Variants in NXPH2 observed in about 807,000 individuals in gnomAD.
The protein encoded by NXPH2 is neurexophilin-2.
A neutral mutation model predicts 19.8 loss-of-function variants in NXPH2; 5 were observed. The ratio of observed to expected loss-of-function variants is 0.25; its 90% CI spans 0.13 to 0.53. NXPH2 has a LOEUF of 0.53. Among genes scored for constraint, NXPH2 ranks in the 20% least tolerant of loss-of-function variants. The probability of loss-of-function intolerance (pLI) is 0.96; values close to 1 mark genes in which losing one functional copy is unlikely to be tolerated. For missense variants in NXPH2, 289 were observed against 322.8 expected (o/e 0.90, Z 0.80); for synonymous variants, 154 against 127.4 (o/e 1.21, Z -1.41).
chr2:138,697,265 T>G (rs927606860), intron 1 of NXPH2, among the ~76,000 whole-genome samples: 26 of 152,264 alleles, frequency 1.7e-4, no homozygotes, highest in African/African-American at 6.0e-4. Context: ...TACATGTGTA[T>G]ACCTTTGTCA....
At chr2:138,678,798 C>T (rs1680525976) in intron 1 of NXPH2, among the ~76,000 whole-genome samples, 1 of 152,058 alleles carries the variant, frequency 6.6e-6, no homozygotes, top group Non-Finnish European at 1.5e-5. Context: ...ATCAAATATC[C>T]CTTCTCAGTT....
chr2:138,709,337 C>T (rs1289133128), intron 1 of NXPH2, among the ~76,000 whole-genome samples: 1 of 152,154 alleles, frequency 6.6e-6, no homozygotes, highest in Non-Finnish European at 1.5e-5. Context: ...ATAGAGATAA[C>T]AAAATTTGTC....
chr2:138,780,323 G>C lies in NXPH2; in HGVS notation c.-82C>G. The C allele has an allele frequency of 1.9e-6, 2 of 1,072,982 alleles. No homozygotes were observed. Among genetic ancestry groups the C allele is most frequent in the Admixed American group, 4.6e-5 (1 of 21,946 alleles). 66.5% of individuals were successfully genotyped at this position (1,072,982 alleles called of 1,614,324 possible). On this transcript the variant is annotated 5_prime_UTR_variant, in exon 1 of 2. Transcript: ENST00000272641. ...TCTCCACTTCGCGGGGCAGGACTGA[G>C]GACGCCAGGGACACAGCGCGGCGCT...
intron 1 of NXPH2, among the ~76,000 whole-genome samples, chr2:138,678,218 A>G (rs1239361885): frequency 6.6e-6 from 1 of 152,182 alleles, no homozygotes; most frequent in African/African-American, 2.4e-5. Flanking sequence ...GCTTTATTCT[A>G]TATTTTTCTC....
chr2:138,695,660 C>T (rs921507511), intron 1 of NXPH2, among the ~76,000 whole-genome samples: 1 of 151,818 alleles, frequency 6.6e-6, no homozygotes, highest in Non-Finnish European at 1.5e-5. Context: ...CAAAAATAAA[C>T]TGATAAACTA....
At chr2:138,721,560 T>G (rs1681279731) in intron 1 of NXPH2, among the ~76,000 whole-genome samples, 1 of 152,030 alleles carries the variant, frequency 6.6e-6, no homozygotes, top group African/African-American at 2.4e-5. Context: ...AATTTGGAGG[T>G]AGGGCTGTGT....
intron 1 of NXPH2, among the ~76,000 whole-genome samples, chr2:138,691,039 A>G (rs1396587204): frequency 6.6e-6 from 1 of 152,202 alleles, no homozygotes; most frequent in Non-Finnish European, 1.5e-5. Flanking sequence ...GAGAGGCAGT[A>G]TGTGAGGAGA....
At chr2:138,774,418 G>T (rs1452395845) in intron 1 of NXPH2, among the ~76,000 whole-genome samples, 1 of 152,020 alleles carries the variant, frequency 6.6e-6, no homozygotes, top group Non-Finnish European at 1.5e-5. Flanking sequence ...TTGTGATGTG[G>T]TTAACAGCAT....
At chr2:138,760,385 A>G (rs1302792395) in intron 1 of NXPH2, among the ~76,000 whole-genome samples, 1 of 152,150 alleles carries the variant, frequency 6.6e-6, no homozygotes, top group African/African-American at 2.4e-5. Flanking sequence ...CAACAACAAA[A>G]ACCCCACAGG....
At chr2:138,702,187 G>A (rs1394825066) in intron 1 of NXPH2, among the ~76,000 whole-genome samples, 1 of 151,978 alleles carries the variant, frequency 6.6e-6, no homozygotes, top group Non-Finnish European at 1.5e-5. Context: ...CACAATGATA[G>A]CTCACTGTAA....
chr2:138,732,133 T>A (rs915133337), intron 1 of NXPH2, among the ~76,000 whole-genome samples: 1 of 152,210 alleles, frequency 6.6e-6, no homozygotes, highest in African/African-American at 2.4e-5. Flanking sequence ...CCACAGTATG[T>A]CAAGTTGAAA....
At chr2:138,696,006 C>T (rs936673043) in intron 1 of NXPH2, among the ~76,000 whole-genome samples, 2 of 150,794 alleles carry the variant, frequency 1.3e-5, no homozygotes, top group Admixed American at 6.6e-5. Flanking sequence ...AGAGGAAGAC[C>T]CTGTCTCTAA....
At chr2:138,779,375 A>T (rs1682313663) in intron 1 of NXPH2, among the ~76,000 whole-genome samples, 1 of 152,194 alleles carries the variant, frequency 6.6e-6, no homozygotes, top group Non-Finnish European at 1.5e-5. Flanking sequence ...ATGCATATAG[A>T]ACATAGGCGT....
At chr2:138,678,025 T>A (rs528578329) in intron 1 of NXPH2, among the ~76,000 whole-genome samples, 1 of 152,328 alleles carries the variant, frequency 6.6e-6, no homozygotes, top group East Asian at 1.9e-4. Flanking sequence ...TTCTTTAATG[T>A]CTTTTATTTG....
At chr2:138,733,653 G>A (rs2105001393) in intron 1 of NXPH2, among the ~76,000 whole-genome samples, 1 of 152,174 alleles carries the variant, frequency 6.6e-6, no homozygotes, top group Admixed American at 6.5e-5. Context: ...AATAACAAGG[G>A]ATATGACATC....
intron 1 of NXPH2, among the ~76,000 whole-genome samples, chr2:138,726,552 ACAC>A (rs1681362858): frequency 6.7e-6 from 1 of 149,916 alleles, no homozygotes; most frequent in Admixed American, 6.7e-5. Context: ...ACACACACAC[ACAC>A]ACACCCTCCA....
At chr2:138,775,353 ATTCT>A (rs1682245050) in intron 1 of NXPH2, among the ~76,000 whole-genome samples, 1 of 152,160 alleles carries the variant, frequency 6.6e-6, no homozygotes, top group South Asian at 2.1e-4. Context: ...ACATCTTAAA[ATTCT>A]TTCTTTAATA....
chr2:138,673,989 T>C (rs1680450084), intron 1 of NXPH2, among the ~76,000 whole-genome samples: 1 of 152,000 alleles, frequency 6.6e-6, no homozygotes, highest in African/African-American at 2.4e-5. Context: ...TTGAATACTA[T>C]TTATTTATTT....
At chr2:138,778,275 G>T (rs1301908085) in intron 1 of NXPH2, among the ~76,000 whole-genome samples, 1 of 152,150 alleles carries the variant, frequency 6.6e-6, no homozygotes, top group Non-Finnish European at 1.5e-5. Context: ...CCATGATAAA[G>T]TGCTCCAGGA....
Sources: allele counts gnomAD v4.1 joint callset (sites outside exome capture counted in the v4.1 genomes callset), GRCh38; gene constraint gnomAD v4.1.1; transcripts MANE v1.5; gene names NCBI Gene and HGNC (gene_info 2026-07-23, HGNC 2026-07-21).